The following PDGFC variants were observed in gnomAD, a reference collection of about 807,000 sequenced individuals.
The protein encoded by PDGFC is platelet derived growth factor C.
A neutral mutation model predicts 35.5 loss-of-function variants in PDGFC; 12 were observed. The ratio of observed to expected loss-of-function variants is 0.34; its 90% CI spans 0.22 to 0.55. The LOEUF (loss-of-function observed/expected upper bound fraction) is 0.55, where lower values mean the gene tolerates loss of function less well. Ranked by LOEUF, PDGFC falls within the 20% of genes least tolerant of loss-of-function variation. The pLI is 0.91. For missense variants in PDGFC, 322 were observed against 412.4 expected (o/e 0.78, Z 1.90); for synonymous variants, 159 against 148.8 (o/e 1.07, Z -0.50).
chr4:156,790,316 C>T (rs971729843), intron 3 of PDGFC, among the ~76,000 whole-genome samples: 3 of 151,974 alleles, frequency 2.0e-5, no homozygotes, highest in African/African-American at 7.2e-5. Flanking sequence ...AAGATAAGGA[C>T]CTGTGAGAGG....
chr4:156,817,227 T>C (rs941401357), intron 2 of PDGFC, among the ~76,000 whole-genome samples: 1 of 151,824 alleles, frequency 6.6e-6, no homozygotes, highest in African/African-American at 2.4e-5. Flanking sequence ...CAAAACAAAA[T>C]ATCAGGTGAA....
chr4:156,826,173 G>GTT (rs1732467004), intron 2 of PDGFC, among the ~76,000 whole-genome samples: 2 of 76,008 alleles, frequency 2.6e-5, no homozygotes, highest in African/African-American at 1.0e-4. Context: ...CTTTGAGTTG[G>GTT]ATTTTTTTTT....
intron 1 of PDGFC, among the ~76,000 whole-genome samples, chr4:156,922,918 T>G (rs1437047284): frequency 2.0e-5 from 3 of 152,210 alleles, no homozygotes; most frequent in Non-Finnish European, 4.4e-5. Context: ...TGACCACTAC[T>G]GCCCTGATAC....
chr4:156,961,394 C>T (rs1381506519), intron 1 of PDGFC, among the ~76,000 whole-genome samples: 2 of 152,064 alleles, frequency 1.3e-5, no homozygotes, highest in African/African-American at 4.8e-5. Flanking sequence ...GGTGCAACGG[C>T]CAACTGGGCA....
At chr4:156,896,515 T>G (rs1730636943) in intron 1 of PDGFC, among the ~76,000 whole-genome samples, 1 of 152,208 alleles carries the variant, frequency 6.6e-6, no homozygotes, top group Non-Finnish European at 1.5e-5. Context: ...CCCTGTATCA[T>G]AGCTATGACT....
At chr4:156,778,946 T>G in intron 3 of PDGFC, 1 of 276,912 alleles carries the variant, frequency 3.6e-6, no homozygotes, top group Non-Finnish European at 7.3e-6. Flanking sequence ...ATTGTCGGAG[T>G]TAAAAATAAA....
intron 3 of PDGFC, among the ~76,000 whole-genome samples, chr4:156,796,287 TATAAATG>T (rs1560815630): frequency 6.6e-6 from 1 of 152,092 alleles, no homozygotes; most frequent in Non-Finnish European, 1.5e-5. Context: ...TTTTTTAACT[TATAAATG>T]ATATCTTTTT....
At chr4:156,866,786 A>G (rs1051744560) in intron 1 of PDGFC, among the ~76,000 whole-genome samples, 1 of 140,310 alleles carries the variant, frequency 7.1e-6, no homozygotes, top group Non-Finnish European at 1.5e-5. Context: ...CTTAACATTA[A>G]TTAAAACAGT....
intron 3 of PDGFC, among the ~76,000 whole-genome samples, chr4:156,798,036 A>G (rs1731496145): frequency 6.6e-6 from 1 of 151,984 alleles, no homozygotes; most frequent in Non-Finnish European, 1.5e-5. Flanking sequence ...CCAAAAATAC[A>G]AAAAAATTAG....
In PDGFC at chr4:156,850,207, G is replaced by A. The variant is rs770185646; in HGVS notation, c.314+14C>T. 3 of 1,422,880 alleles carry A rather than the reference G, an allele frequency of 2.1e-6. No individual in the cohort carries two copies. The highest frequency in any genetic ancestry group is 1.9e-6 in the Non-Finnish European group (2 of 1,052,976). The allele number at this position is 1,422,880 out of a possible 1,614,324, so 88.1% of individuals were successfully genotyped here. On this transcript the variant is annotated intron_variant, in intron 2 of 5. Coordinates refer to ENST00000502773, the MANE Select transcript of PDGFC (RefSeq NM_016205.3). ...AGTTGTTACATTGTTGGGATTTCAAGTATGATCACTTACTTGCATATGTCA... is the reference window on the plus strand; with the variant it reads ...AGTTGTTACATTGTTGGGATTTCAAATATGATCACTTACTTGCATATGTCA...
At chr4:156,886,384 T>C (rs1001158628) in intron 1 of PDGFC, among the ~76,000 whole-genome samples, 2 of 152,226 alleles carry the variant, frequency 1.3e-5, no homozygotes, top group African/African-American at 2.4e-5. Flanking sequence ...CCCATGAGAC[T>C]TGTACTTCTA....
At chr4:156,944,111 G>A (rs1034815840) in intron 1 of PDGFC, among the ~76,000 whole-genome samples, 2 of 152,116 alleles carry the variant, frequency 1.3e-5, no homozygotes, top group African/African-American at 4.8e-5. Flanking sequence ...ACGATTAAAG[G>A]CATGTGCCAT....
intron 1 of PDGFC, among the ~76,000 whole-genome samples, chr4:156,869,745 C>A (rs1427168695): frequency 6.6e-6 from 1 of 152,110 alleles, no homozygotes; most frequent in Non-Finnish European, 1.5e-5. Flanking sequence ...AAATATTCCA[C>A]CAAATATGCC....
intron 3 of PDGFC, among the ~76,000 whole-genome samples, chr4:156,804,029 T>G (rs1195745079): frequency 1.3e-5 from 2 of 152,072 alleles, no homozygotes; most frequent in Non-Finnish European, 1.5e-5. Flanking sequence ...TAAATACAAG[T>G]GCTAGAAACT....
intron 1 of PDGFC, among the ~76,000 whole-genome samples, chr4:156,952,870 C>T (rs1186682263): frequency 1.3e-5 from 2 of 151,696 alleles, no homozygotes; most frequent in East Asian, 3.9e-4. Context: ...AAATTTGGGG[C>T]ATAAAAAACA....
chr4:156,779,763 T>A (rs548885254), intron 3 of PDGFC, among the ~76,000 whole-genome samples: 5 of 152,360 alleles, frequency 3.3e-5, no homozygotes, highest in South Asian at 2.1e-4. Flanking sequence ...CCCGTCATCA[T>A]GAAACTGGAG....
chr4:156,777,046 T>C (rs1730847277), intron 3 of PDGFC, among the ~76,000 whole-genome samples: 1 of 152,192 alleles, frequency 6.6e-6, no homozygotes, highest in African/African-American at 2.4e-5. Context: ...CTCTATTTTT[T>C]TTTTCTTTTA....
At chr4:156,833,800 T>C (rs1309855430) in intron 2 of PDGFC, among the ~76,000 whole-genome samples, 1 of 152,194 alleles carries the variant, frequency 6.6e-6, no homozygotes, top group African/African-American at 2.4e-5. Flanking sequence ...GTAAGTAAGC[T>C]TCCTTGTAAA....
chr4:156,920,885 G>A (rs1242377505), intron 1 of PDGFC, among the ~76,000 whole-genome samples: 2 of 152,136 alleles, frequency 1.3e-5, no homozygotes, highest in South Asian at 2.1e-4. Context: ...AAGGTAGGCT[G>A]GAGTGTAGTT....
Sources: allele counts gnomAD v4.1 joint callset (sites outside exome capture counted in the v4.1 genomes callset), GRCh38; gene constraint gnomAD v4.1.1; transcripts MANE v1.5; gene names NCBI Gene and HGNC (gene_info 2026-07-23, HGNC 2026-07-21).